The following STXBP5L variants were observed in gnomAD, a reference collection of about 807,000 sequenced individuals.
The protein encoded by STXBP5L is syntaxin binding protein 5L.
A neutral mutation model predicts 144.5 loss-of-function variants in STXBP5L; 65 were observed. The ratio of observed to expected loss-of-function variants is 0.45; its 90% CI spans 0.37 to 0.55. The LOEUF is 0.55. Ranked by LOEUF, STXBP5L falls within the 20% of genes least tolerant of loss-of-function variation. STXBP5L has a pLI of 0.00. For missense variants in STXBP5L, 1,298 were observed against 1,405.5 expected (o/e 0.92, Z 1.22); for synonymous variants, 505 against 469.6 (o/e 1.08, Z -0.97).
intron 3 of STXBP5L, among the ~76,000 whole-genome samples, chr3:120,965,663 T>A (rs1247911043): frequency 6.6e-6 from 1 of 152,238 alleles, no homozygotes; most frequent in Non-Finnish European, 1.5e-5. Context: ...TCTGATGGGC[T>A]TCCCTTTGTG....
intron 10 of STXBP5L, among the ~76,000 whole-genome samples, chr3:121,210,835 C>G (rs1258014432): frequency 6.6e-6 from 1 of 152,088 alleles, no homozygotes; most frequent in Non-Finnish European, 1.5e-5. Context: ...TTACTGTAGC[C>G]TTGTAGTATA....
intron 20 of STXBP5L, among the ~76,000 whole-genome samples, chr3:121,358,263 C>T (rs191535931): frequency 1.5e-5 from 2 of 132,368 alleles, no homozygotes; most frequent in South Asian, 2.8e-4. Context: ...CCTAACCCCC[C>T]ACTACCCTTC....
intron 18 of STXBP5L, among the ~76,000 whole-genome samples, chr3:121,277,387 A>T (rs965820519): frequency 2.6e-5 from 4 of 152,108 alleles, no homozygotes; most frequent in Admixed American, 2.0e-4. Context: ...AAACACAAAC[A>T]TTCAGAGGAT....
chr3:121,417,645 G>A (rs1445428848), intron 25 of STXBP5L, among the ~76,000 whole-genome samples: 3 of 151,846 alleles, frequency 2.0e-5, no homozygotes, highest in African/African-American at 7.3e-5. Context: ...TTGTACTTTT[G>A]GTAGAGACAG....
intron 22 of STXBP5L, among the ~76,000 whole-genome samples, chr3:121,390,557 T>G (rs2046555525): frequency 6.6e-6 from 1 of 152,234 alleles, no homozygotes; most frequent in African/African-American, 2.4e-5. Context: ...AGTGATTCCT[T>G]CAGAAGCTCT....
At chr3:121,305,732 C>A (rs1321747436) in intron 19 of STXBP5L, among the ~76,000 whole-genome samples, 1 of 151,890 alleles carries the variant, frequency 6.6e-6, no homozygotes, top group African/African-American at 2.4e-5. Context: ...AATCAGTAAC[C>A]AGGGGAGGAT....
chr3:121,100,153 G>A (rs1202941001), intron 5 of STXBP5L, among the ~76,000 whole-genome samples: 1 of 152,118 alleles, frequency 6.6e-6, no homozygotes, highest in African/African-American at 2.4e-5. Context: ...TAAGAGTGAG[G>A]TCTTTAAAAC....
chr3:121,201,077 G>A (rs1347742890), intron 9 of STXBP5L, among the ~76,000 whole-genome samples: 2 of 152,128 alleles, frequency 1.3e-5, no homozygotes, highest in Non-Finnish European at 2.9e-5. Flanking sequence ...AATATTGATA[G>A]TGGGGTGTTA....
chr3:121,316,236 T>C (rs1168408756), intron 19 of STXBP5L, among the ~76,000 whole-genome samples: 1 of 152,156 alleles, frequency 6.6e-6, no homozygotes, highest in Non-Finnish European at 1.5e-5. Context: ...CACAAGGAAG[T>C]AGTTTTACTA....
intron 22 of STXBP5L, among the ~76,000 whole-genome samples, chr3:121,399,601 C>A (rs2046820916): frequency 6.6e-6 from 1 of 152,146 alleles, no homozygotes; most frequent in African/African-American, 2.4e-5. Context: ...AAGGGATGGG[C>A]TGAATTAAAG....
chr3:121,319,839 A>G (rs1306197560), intron 20 of STXBP5L, among the ~76,000 whole-genome samples: 1 of 152,186 alleles, frequency 6.6e-6, no homozygotes, highest in African/African-American at 2.4e-5. Context: ...ATAGCTGGCC[A>G]GGCACAGTGG....
chr3:121,152,092 T>C (rs1443297152), intron 7 of STXBP5L, among the ~76,000 whole-genome samples: 1 of 152,060 alleles, frequency 6.6e-6, no homozygotes, highest in East Asian at 1.9e-4. Flanking sequence ...AAGCCAAATT[T>C]GAAGCCACAT....
intron 15 of STXBP5L, among the ~76,000 whole-genome samples, chr3:121,252,438 A>G (rs995751041): frequency 2.0e-5 from 3 of 152,118 alleles, no homozygotes; most frequent in African/African-American, 7.2e-5. Flanking sequence ...CACTTTAATT[A>G]TTAGAGTGAA....
At chr3:121,077,060 G>A (rs573330976) in intron 5 of STXBP5L, among the ~76,000 whole-genome samples, 1 of 152,154 alleles carries the variant, frequency 6.6e-6, no homozygotes, top group Admixed American at 6.5e-5. Context: ...CACGCTCTAT[G>A]TTGGTCTCTC....
At chr3:121,064,008 C>T (rs1485771440) in intron 5 of STXBP5L, among the ~76,000 whole-genome samples, 1 of 152,158 alleles carries the variant, frequency 6.6e-6, no homozygotes, top group Non-Finnish European at 1.5e-5. Flanking sequence ...ATGCTTGTCT[C>T]ACTGGCATTC....
At chr3:121,336,698 C>T (rs1483455423) in intron 20 of STXBP5L, among the ~76,000 whole-genome samples, 1 of 152,088 alleles carries the variant, frequency 6.6e-6, no homozygotes, top group Non-Finnish European at 1.5e-5. Context: ...AGTGTGGCAT[C>T]TCCTTAAAGA....
At chr3:121,178,200 G>T (rs1269886210) in intron 9 of STXBP5L, among the ~76,000 whole-genome samples, 1 of 152,136 alleles carries the variant, frequency 6.6e-6, no homozygotes, top group East Asian at 1.9e-4. Flanking sequence ...GAGATTAATG[G>T]TGGTGATTCT....
chr3:121,005,519 T>C (rs1316955661), intron 3 of STXBP5L, among the ~76,000 whole-genome samples: 1 of 152,218 alleles, frequency 6.6e-6, no homozygotes, highest in East Asian at 1.9e-4. Flanking sequence ...GATTCATTGA[T>C]GTTTTGAAGG....
intron 10 of STXBP5L, among the ~76,000 whole-genome samples, chr3:121,218,336 A>G (rs904238078): frequency 8.1e-5 from 11 of 135,410 alleles, no homozygotes; most frequent in African/African-American, 2.4e-4. Flanking sequence ...ACTAGCTTAT[A>G]TATAATATAC....
Sources: gnomAD v4.1 joint callset for allele counts (sites outside exome capture counted in the v4.1 genomes callset) on GRCh38, gnomAD v4.1.1 for gene constraint, MANE v1.5 for transcripts, NCBI Gene and HGNC (gene_info 2026-07-23, HGNC 2026-07-21) for gene names.